CLYBL: variants seen among roughly 807,000 people sequenced by gnomAD.
CLYBL encodes the protein citramalyl-CoA lyase.
A neutral mutation model predicts 38.9 loss-of-function variants in CLYBL; 31 were observed. The ratio of observed to expected loss-of-function variants is 0.80; its 90% CI spans 0.60 to 1.08. CLYBL has a LOEUF of 1.08. CLYBL is among the 50% of genes least tolerant of loss of function. The pLI is 0.00. For synonymous variants in CLYBL, 171 were observed against 158.6 expected (o/e 1.08, Z -0.59); for missense variants, 434 against 411.6 (o/e 1.05, Z -0.47).
At chr13:99,710,848 A>G (rs2048218642) in intron 1 of CLYBL, among the ~76,000 whole-genome samples, 1 of 150,102 alleles carries the variant, frequency 6.7e-6, no homozygotes, top group Non-Finnish European at 1.5e-5. Flanking sequence ...CAAGCTATCG[A>G]CAAGTCTCCT....
intron 1 of CLYBL, among the ~76,000 whole-genome samples, chr13:99,646,614 A>G (rs899685505): frequency 1.3e-5 from 2 of 150,228 alleles, no homozygotes; most frequent in East Asian, 3.9e-4. Flanking sequence ...CTTGGGTTCA[A>G]GCAATTCTCT....
At chr13:99,711,130 GGCCTCCC>G (rs1223321659) in intron 1 of CLYBL, among the ~76,000 whole-genome samples, 2 of 151,980 alleles carry the variant, frequency 1.3e-5, no homozygotes, top group African/African-American at 2.4e-5. Flanking sequence ...TGACTGCCTT[GGCCTCCC>G]AAAGTGCCAG....
At chr13:99,806,510 G>A (rs1206285915) in intron 2 of CLYBL, among the ~76,000 whole-genome samples, 2 of 152,172 alleles carry the variant, frequency 1.3e-5, no homozygotes, top group Non-Finnish European at 1.5e-5. Flanking sequence ...CAGAAGCAAA[G>A]GTAGATTCAG....
chr13:99,685,428 T>C (rs555143081), intron 1 of CLYBL, among the ~76,000 whole-genome samples: 1 of 152,294 alleles, frequency 6.6e-6, no homozygotes, highest in South Asian at 2.1e-4. Context: ...TAATATATCC[T>C]CTCCTGGGTT....
intron 1 of CLYBL, among the ~76,000 whole-genome samples, chr13:99,698,782 A>G (rs1250460507): frequency 6.6e-6 from 1 of 152,222 alleles, no homozygotes; most frequent in Non-Finnish European, 1.5e-5. Flanking sequence ...TGAATTGTCA[A>G]AAAGATTAAT....
intron 2 of CLYBL, among the ~76,000 whole-genome samples, chr13:99,815,402 A>G (rs916160135): frequency 8.5e-5 from 13 of 152,072 alleles, no homozygotes; most frequent in Non-Finnish European, 1.8e-4. Flanking sequence ...TACCAAAAGA[A>G]AAAAATTAGC....
At chr13:99,875,308 TATAAA>T (rs2052009238) in intron 7 of CLYBL, among the ~76,000 whole-genome samples, 1 of 152,180 alleles carries the variant, frequency 6.6e-6, no homozygotes, top group Non-Finnish European at 1.5e-5. Context: ...TCTGCTGGAA[TATAAA>T]CTGGAAACAT....
At chr13:99,816,642 A>G (rs1443503550) in intron 2 of CLYBL, among the ~76,000 whole-genome samples, 1 of 152,228 alleles carries the variant, frequency 6.6e-6, no homozygotes, top group Admixed American at 6.5e-5. Context: ...GAGGCTCCTC[A>G]GAGCTCCCTT....
chr13:99,863,234 T>C (rs1594230392), intron 4 of CLYBL, 142 bp downstream of exon 4: 1 of 463,694 alleles, frequency 2.2e-6, no homozygotes. Context: ...CCATTTGTTA[T>C]CTGTAATAGT....
At chr13:99,734,465 A>C (rs1424574573) in intron 1 of CLYBL, among the ~76,000 whole-genome samples, 1 of 152,050 alleles carries the variant, frequency 6.6e-6, no homozygotes, top group African/African-American at 2.4e-5. Context: ...TACCAAACTG[A>C]CTTTCCTTTA....
At chr13:99,742,880 T>C (rs1458509433) in intron 1 of CLYBL, among the ~76,000 whole-genome samples, 1 of 152,192 alleles carries the variant, frequency 6.6e-6, no homozygotes, top group Non-Finnish European at 1.5e-5. Flanking sequence ...TCTGTTTTCC[T>C]TCTCCTCCTC....
At chr13:99,813,610 A>G (rs536975800) in intron 2 of CLYBL, among the ~76,000 whole-genome samples, 2 of 152,158 alleles carry the variant, frequency 1.3e-5, no homozygotes, top group Non-Finnish European at 2.9e-5. Context: ...TTACTAACTT[A>G]CCACTAACTA....
chr13:99,653,536 G>T (rs990866697), intron 1 of CLYBL, among the ~76,000 whole-genome samples: 2 of 152,212 alleles, frequency 1.3e-5, no homozygotes, highest in Non-Finnish European at 2.9e-5. Flanking sequence ...ATGATCCAAA[G>T]AAATAGTGAT....
At chr13:99,860,545 T>G (rs1393516668) in intron 3 of CLYBL, among the ~76,000 whole-genome samples, 2 of 152,226 alleles carry the variant, frequency 1.3e-5, no homozygotes, top group Non-Finnish European at 2.9e-5. Context: ...TTAAGTTGAT[T>G]GAAATGGACT....
intron 1 of CLYBL, among the ~76,000 whole-genome samples, chr13:99,652,230 C>G: frequency 6.6e-6 from 1 of 152,182 alleles, no homozygotes; most frequent in East Asian, 1.9e-4. Flanking sequence ...ATAATCCCAG[C>G]ACACTGTCAG....
intron 1 of CLYBL, among the ~76,000 whole-genome samples, chr13:99,725,277 T>C (rs1422917485): frequency 1.3e-5 from 2 of 152,162 alleles, no homozygotes; most frequent in Non-Finnish European, 2.9e-5. Flanking sequence ...TGACTTGCTG[T>C]GGTAATACCG....
chr13:99,741,390 A>G (rs1366148993), intron 1 of CLYBL, among the ~76,000 whole-genome samples: 2 of 152,170 alleles, frequency 1.3e-5, no homozygotes, highest in African/African-American at 4.8e-5. Context: ...AGAAGGAGAG[A>G]GTGACAAGAA....
chr13:99,761,026 T>A (rs2049155117), intron 1 of CLYBL, among the ~76,000 whole-genome samples: 2 of 152,226 alleles, frequency 1.3e-5, no homozygotes, highest in South Asian at 4.1e-4. Context: ...ACTTTTCCTC[T>A]ACCCTTCTCA....
chr13:99,827,893 C>A (rs1216797437), intron 2 of CLYBL, among the ~76,000 whole-genome samples: 3 of 152,186 alleles, frequency 2.0e-5, no homozygotes, highest in African/African-American at 4.8e-5. Flanking sequence ...CCAGAATAGT[C>A]AAAAAGTTGG....
Sources: gnomAD v4.1 joint callset for allele counts (sites outside exome capture counted in the v4.1 genomes callset) on GRCh38, gnomAD v4.1.1 for gene constraint, MANE v1.5 for transcripts, NCBI Gene and HGNC (gene_info 2026-07-23, HGNC 2026-07-21) for gene names.